The following COL5A2 variants were observed in gnomAD, a reference collection of about 807,000 sequenced individuals.
COL5A2 encodes the protein collagen type V alpha 2 chain.
Under a neutral mutation model 208.2 loss-of-function variants are expected in COL5A2, and 23 were observed. The ratio of observed to expected loss-of-function variants is 0.11; its 90% CI spans 0.08 to 0.16. The LOEUF (loss-of-function observed/expected upper bound fraction) is 0.16. Ranked by LOEUF, COL5A2 falls within the 10% of genes least tolerant of loss-of-function variation. COL5A2 has a pLI of 1.00. For synonymous variants in COL5A2, 625 were observed against 628.5 expected (o/e 0.99, Z 0.08); for missense variants, 1,590 against 1,956.4 (o/e 0.81, Z 3.53).
intron 1 of COL5A2, among the ~76,000 whole-genome samples, chr2:189,131,427 G>A (rs1687712711): frequency 6.6e-6 from 1 of 152,022 alleles, no homozygotes; most frequent in African/African-American, 2.4e-5. Context: ...TATGAAATTC[G>A]CTGAGAAAAT....
chr2:189,146,816 C>A (rs891113712), intron 1 of COL5A2, among the ~76,000 whole-genome samples: 2 of 152,216 alleles, frequency 1.3e-5, no homozygotes, highest in East Asian at 3.9e-4. Flanking sequence ...ACAGTAAAAG[C>A]TGCCTTCATA....
At chr2:189,328,735 G>A in the COL5A2 span, among the ~76,000 whole-genome samples, 1 of 152,124 alleles carries the variant, frequency 6.6e-6, no homozygotes, top group African/African-American at 2.4e-5. Flanking sequence ...AGTCAACAAT[G>A]CCAAATTGTT....
the COL5A2 span, among the ~76,000 whole-genome samples, chr2:189,348,115 GA>G: frequency 6.6e-6 from 1 of 152,052 alleles, no homozygotes; most frequent in African/African-American, 2.4e-5. Context: ...CCTTGCTTAG[GA>G]AACCACTTCC....
the COL5A2 span, among the ~76,000 whole-genome samples, chr2:189,309,715 G>T: frequency 6.6e-6 from 1 of 152,150 alleles, no homozygotes; most frequent in Non-Finnish European, 1.5e-5. Flanking sequence ...TTCTGAGGAG[G>T]CAAGAATCAA....
chr2:189,049,513 A>C lies in COL5A2; in HGVS notation c.3040-59T>G, dbSNP rs111488732. ...AAGAAATTGAAGAACGCTAGTTCCC[A>C]TAAAGGCTAAGTTTTCAAAATGGTG... On this transcript the variant is annotated intron_variant, in intron 43 of 53. Transcript: ENST00000374866. 238 of 1,380,780 alleles carry C rather than the reference A, an allele frequency of 1.7e-4. 1 individual carries two copies. The African/African-American group carries it at 2.6e-3, about 15-fold the overall frequency. The allele number at this position is 1,380,780 out of a possible 1,614,324, so 85.5% of individuals were successfully genotyped here.
the COL5A2 span, among the ~76,000 whole-genome samples, chr2:189,357,254 C>T: frequency 1.3e-5 from 2 of 152,146 alleles, no homozygotes; most frequent in African/African-American, 4.8e-5. Flanking sequence ...TATCAGAACT[C>T]GAATGCTGTG....
chr2:189,422,596 T>G, the COL5A2 span, among the ~76,000 whole-genome samples: 4 of 152,218 alleles, frequency 2.6e-5, no homozygotes, highest in Non-Finnish European at 5.9e-5. Context: ...CAATGGCACA[T>G]GGAGCACTCT....
chr2:189,210,872 C>T (rs1457514924), intron 1 of COL5A2, among the ~76,000 whole-genome samples: 2 of 152,136 alleles, frequency 1.3e-5, no homozygotes, highest in African/African-American at 4.8e-5. Context: ...CGAAGGTTTG[C>T]TTCTTTATGG....
At chr2:189,324,744 T>C in the COL5A2 span, among the ~76,000 whole-genome samples, 1 of 152,230 alleles carries the variant, frequency 6.6e-6, no homozygotes, top group African/African-American at 2.4e-5. Flanking sequence ...TCAACCATTG[T>C]GGAAGACAGT....
the COL5A2 span, among the ~76,000 whole-genome samples, chr2:189,440,197 T>C: frequency 4.4e-3 from 665 of 152,360 alleles, 4 homozygotes; most frequent in African/African-American, 0.015. Context: ...TCCCAGGATA[T>C]GTCTTGACCT....
chr2:189,357,474 C>A, the COL5A2 span, among the ~76,000 whole-genome samples: 71 of 152,250 alleles, frequency 4.7e-4, no homozygotes, highest in Non-Finnish European at 1.5e-5. Flanking sequence ...CTGTGGTGGG[C>A]TCCACCAAAT....
At chr2:189,430,594 G>C in the COL5A2 span, among the ~76,000 whole-genome samples, 3 of 152,260 alleles carry the variant, frequency 2.0e-5, no homozygotes, top group African/African-American at 7.2e-5. Context: ...CTCACTGCTA[G>C]TGCAGCAGTC....
the COL5A2 span, among the ~76,000 whole-genome samples, chr2:189,250,433 C>G: frequency 6.6e-6 from 1 of 152,168 alleles, no homozygotes; most frequent in Non-Finnish European, 1.5e-5. Context: ...TTTAACCAGG[C>G]TAGAGAGTAA....
chr2:189,433,103 T>C, the COL5A2 span, among the ~76,000 whole-genome samples: 11 of 151,934 alleles, frequency 7.2e-5, no homozygotes, highest in Non-Finnish European at 5.9e-5. Context: ...ACGAAATGAA[T>C]GCAGAAATAA....
At chr2:189,251,380 T>C in the COL5A2 span, among the ~76,000 whole-genome samples, 1 of 152,104 alleles carries the variant, frequency 6.6e-6, no homozygotes, top group Admixed American at 6.6e-5. Context: ...CCTACTGTGT[T>C]CCTAGAACTG....
Position 189,086,757 on chromosome 2 carries a change from G to A in COL5A2, c.659C>T (p.Pro220Leu), listed in dbSNP as rs1274066313. The A allele has an allele frequency of 3.2e-6, 5 of 1,582,670 alleles. No individual in the cohort carries two copies. The highest frequency in any genetic ancestry group is 4.3e-6 in the Non-Finnish European group (5 of 1,160,918). The change falls in exon 9 of 54, where the codon CCA becomes CTA. Residue 220 changes from proline (P) to leucine (L), a missense_variant. By Grantham distance (98) the Pro-to-Leu change is moderately conservative. Transcript: ENST00000374866. Reference sequence around the variant, plus strand: ...TCCTTGTAAACCCTGTGGTCCCCTTGGGCCAACAGGACCCTTAAAAACAAA... The same window carrying A: ...TCCTTGTAAACCCTGTGGTCCCCTTAGGCCAACAGGACCCTTAAAAACAAA... ...LMPGSVGPVGPRGPQGLQGQQ... is the reference protein window; with the variant it reads ...LMPGSVGPVGLRGPQGLQGQQ...
chr2:189,114,793 C>T (rs1687356114), intron 1 of COL5A2, among the ~76,000 whole-genome samples: 1 of 151,822 alleles, frequency 6.6e-6, no homozygotes, highest in Admixed American at 6.6e-5. Flanking sequence ...GTGCAGCAAA[C>T]CACAATGGCA....
In COL5A2 at chr2:189,085,720, A is replaced by G. The variant is rs1686643340; in HGVS notation, c.743T>C (p.Met248Thr). The G allele has an allele frequency of 6.2e-7, 1 of 1,612,988 alleles. No individual in the cohort carries two copies. Among genetic ancestry groups the G allele is most frequent in the Non-Finnish European group, 8.5e-7 (1 of 1,179,114 alleles). ...PPGEPGDPGP[M>T]GPIGSRGPEG... ...TCTACATGCTTACTTGACATTTACC[A>G]TTGGTCCAGGATCACCAGGTTCACC... is the stretch of plus-strand genomic sequence containing the variant. The change falls in exon 10 of 54, where the codon ATG becomes ACG. Residue 248 changes from methionine (M) to threonine (T), a missense_variant and splice_region_variant. Coordinates refer to ENST00000374866, the MANE Select transcript of COL5A2 (RefSeq NM_000393.5).
the COL5A2 span, among the ~76,000 whole-genome samples, chr2:189,308,770 A>G: frequency 3.3e-5 from 5 of 152,114 alleles, no homozygotes; most frequent in Admixed American, 6.5e-5. Context: ...CCCTCCCTTC[A>G]GAGAGAGGGC....
Sources: allele counts gnomAD v4.1 joint callset (sites outside exome capture counted in the v4.1 genomes callset), GRCh38; gene constraint gnomAD v4.1.1; transcripts MANE v1.5; gene names NCBI Gene and HGNC (gene_info 2026-07-23, HGNC 2026-07-21).